Variants in ETV7 observed in about 807,000 individuals in gnomAD.
The protein encoded by ETV7 is ETS variant transcription factor 7, also known as transcription factor ETV7.
In ETV7, 43 loss-of-function variants were observed where a neutral mutation model predicts 39.1. The ratio of observed to expected loss-of-function variants is 1.10; its 90% confidence interval spans 0.86 to 1.42. The LOEUF is 1.42. Ranked by LOEUF, ETV7 falls within the 40% of genes most tolerant of loss-of-function variation. The pLI is 0.00. For missense variants in ETV7, 432 were observed against 442.3 expected, an observed-to-expected ratio of 0.98 and a Z score of 0.21; for synonymous variants, 196 against 176.6, an observed-to-expected ratio of 1.11 and a Z score of -0.87.
chr6:36,376,644 CAT>C (rs1412747783), intron 2 of ETV7, among the ~76,000 whole-genome samples: 1 of 152,100 alleles, frequency 6.6e-6, no homozygotes, highest in Admixed American at 6.6e-5. Context: ...GGCATGGTGG[CAT>C]GCACCTGTAG....
rs34962714 is a variant in ETV7, at chr6:36,375,068, C to CAA, written c.307+801_307+802dup. Among the ~76,000 whole-genome samples, 150 of 131,818 alleles carry CAA rather than the reference C, an allele frequency of 1.1e-3. 1 individual carries two copies. Among genetic ancestry groups the CAA allele is most frequent in the African/African-American group, 1.3e-3 (45 of 35,038 alleles). The allele number at this position is 131,818 out of a possible 152,430, so 86.5% of individuals were successfully genotyped here. ...TGGGCGACAAAGTGAGACTCCATCT[C>CAA]AAAAAAAAAAAAAAAAGAACTTGGG... On this transcript the variant is annotated intron_variant, in intron 3 of 7. Coordinates refer to ENST00000340181, the MANE Select transcript of ETV7 (RefSeq NM_016135.4).
intron 2 of ETV7, among the ~76,000 whole-genome samples, chr6:36,379,572 GA>G (rs1773548873): frequency 6.7e-6 from 1 of 149,184 alleles, no homozygotes; most frequent in African/African-American, 2.5e-5. Flanking sequence ...AGAAGAAGAA[GA>G]AGAAGAAGAA....
chr6:36,387,274 C>A (rs1773956310), intron 1 of ETV7, among the ~76,000 whole-genome samples: 1 of 151,976 alleles, frequency 6.6e-6, no homozygotes, highest in Non-Finnish European at 1.5e-5. Context: ...AAGGGGGCTG[C>A]GGAAAGGGCC....
chr6:36,361,473 G>A (rs187244109), downstream of ETV7, among the ~76,000 whole-genome samples: 66 of 152,348 alleles, frequency 4.3e-4, 1 homozygote, highest in East Asian at 0.011. Flanking sequence ...GACCAGAGGA[G>A]GAAGCCAAGG....
At chr6:36,358,734 G>A (rs1194933254) in intron 7 of ETV7, among the ~76,000 whole-genome samples, 1 of 152,188 alleles carries the variant, frequency 6.6e-6, no homozygotes. Flanking sequence ...AATCTGATAT[G>A]TACTCCCCAC....
At chr6:36,375,698 G>T in intron 3 of ETV7, 173 bp downstream of exon 3, 2 of 1,048,218 alleles carry the variant, frequency 1.9e-6, no homozygotes, top group Non-Finnish European at 2.8e-6. Context: ...GCCTGCTCTA[G>T]CTAGGAACCA....
intron 2 of ETV7, among the ~76,000 whole-genome samples, chr6:36,382,560 A>G (rs1328082435): frequency 1.3e-5 from 2 of 152,122 alleles, no homozygotes; most frequent in South Asian, 2.1e-4. Context: ...GGAAGCCACA[A>G]CTGTTAGCGC....
At chr6:36,383,517 C>A (rs1381412038) in intron 2 of ETV7, among the ~76,000 whole-genome samples, 1 of 152,108 alleles carries the variant, frequency 6.6e-6, no homozygotes, top group Non-Finnish European at 1.5e-5. Context: ...GCAAATCAGT[C>A]CTGACTACTA....
intron 2 of ETV7, among the ~76,000 whole-genome samples, chr6:36,378,796 T>A (rs1243755880): frequency 6.6e-6 from 1 of 152,114 alleles, no homozygotes; most frequent in Non-Finnish European, 1.5e-5. Flanking sequence ...TTCTAACAAC[T>A]AAAAATGTCT....
At chr6:36,371,627 A>C in intron 4 of ETV7, 67 bp from the exon 5 acceptor site, 18 of 1,340,640 alleles carry the variant, frequency 1.3e-5, no homozygotes, top group Non-Finnish European at 1.7e-5. Context: ...CAATCCCTCA[A>C]TGGTGAGCCT....
chr6:36,372,641 T>G (rs1582193471), intron 4 of ETV7, among the ~76,000 whole-genome samples: 1 of 136,440 alleles, frequency 7.3e-6, no homozygotes, highest in Admixed American at 7.6e-5. Flanking sequence ...GGGGTGGGGG[T>G]AGAAATCTAA....
intron 3 of ETV7, among the ~76,000 whole-genome samples, chr6:36,374,321 A>G (rs994425601): frequency 6.6e-6 from 1 of 151,936 alleles, no homozygotes; most frequent in Non-Finnish European, 1.5e-5. Context: ...CACGCCACCA[A>G]ACTCTAGCCT....
In ETV7 at chr6:36,356,339, A is replaced by AC. The variant is rs397965241; in HGVS notation, c.909-1653dup. Reference sequence around the variant, plus strand: ...ACCCTGTCTCAAAAAAAAAAAAAAAACAAAAAAAAACACAAACAAACACAC... The same window carrying AC: ...ACCCTGTCTCAAAAAAAAAAAAAAAACCAAAAAAAAACACAAACAAACACAC... On this transcript the variant is annotated intron_variant, in intron 7 of 7. Transcript: ENST00000339796. Among the ~76,000 whole-genome samples the AC allele has an allele frequency of 3.8e-4, 57 of 150,094 alleles. 1 individual carries two copies. The highest frequency in any genetic ancestry group is 3.4e-3 in the Middle Eastern group (1 of 294).
chr6:36,384,693 G>A (rs1269345147), intron 2 of ETV7, among the ~76,000 whole-genome samples: 3 of 152,018 alleles, frequency 2.0e-5, no homozygotes, highest in African/African-American at 7.2e-5. Context: ...TTCAAAACCA[G>A]CCAGGCCAAT....
At chr6:36,363,314 G>A (rs1772579245), downstream of ETV7, among the ~76,000 whole-genome samples, 1 of 152,146 alleles carries the variant, frequency 6.6e-6, no homozygotes, top group Admixed American at 6.5e-5. Context: ...CAGGAGTGAA[G>A]CTGCAGACCT....
chr6:36,373,671 G>T, intron 3 of ETV7, 93 bp from the exon 4 acceptor site: 1 of 1,396,374 alleles, frequency 7.2e-7, no homozygotes, highest in African/African-American at 1.5e-5. Context: ...TCAGGGCAAG[G>T]GCTGGCATGT....
At chr6:36,378,928 G>C (rs1413209340) in intron 2 of ETV7, among the ~76,000 whole-genome samples, 4 of 152,236 alleles carry the variant, frequency 2.6e-5, no homozygotes, top group African/African-American at 9.6e-5. Context: ...TCAATAGTCA[G>C]GGAAATGTAC....
At position 36,371,522 on chromosome 6, in the gene ETV7, G is replaced by C; in HGVS notation, c.472C>G (p.His158Asp). ...GPSQMDTRRGHLLQPPDPGLT... is the reference protein window; with the variant it reads ...GPSQMDTRRGDLLQPPDPGLT... ...CCTGGGTCTGGTGGCTGCAGCAGGT[G>C]GCCCCTTCGGGTGTCCATCTGAGAG... The change falls in exon 5 of 8, where the codon CAC becomes GAC. Residue 158 changes from histidine to aspartate, a missense_variant. By Grantham distance (81) the His-to-Asp change is moderately conservative. Coordinates refer to ENST00000340181, the MANE Select transcript of ETV7 (RefSeq NM_016135.4). 1 of 1,603,340 alleles carries C rather than the reference G, an allele frequency of 6.2e-7. No homozygotes were observed. The highest frequency in any genetic ancestry group is 8.5e-7 in the Non-Finnish European group (1 of 1,175,862).
At chr6:36,377,503 G>C (rs1035751673) in intron 2 of ETV7, among the ~76,000 whole-genome samples, 2 of 152,076 alleles carry the variant, frequency 1.3e-5, no homozygotes, top group Non-Finnish European at 2.9e-5. Flanking sequence ...GACTGCACTG[G>C]TGTAAAGACT....
Sources: gnomAD v4.1 joint callset for allele counts (sites outside exome capture counted in the v4.1 genomes callset) on GRCh38, gnomAD v4.1.1 for gene constraint, MANE v1.5 for transcripts, NCBI Gene and HGNC (gene_info 2026-07-23, HGNC 2026-07-21) for gene names.